The following VNN1 variants were observed in gnomAD, a reference collection of about 807,000 sequenced individuals.
VNN1 encodes the protein pantetheinase.
VNN1 carries 29 observed loss-of-function variants against 41.9 expected under a neutral mutation model. The observed-to-expected ratio is 0.69, with a 90% CI of 0.52 to 0.94. The LOEUF is 0.94. Among genes scored for constraint, VNN1 ranks in the 40% least tolerant of loss-of-function variants. VNN1 has a pLI of 0.00. For synonymous variants in VNN1, 233 were observed against 224.4 expected (o/e 1.04, Z -0.34); for missense variants, 637 against 621.1 (o/e 1.03, Z -0.27).
At chr6:132,710,375 G>C (rs56823270) in intron 2 of VNN1, among the ~76,000 whole-genome samples, 2 of 151,780 alleles carry the variant, frequency 1.3e-5, no homozygotes, top group African/African-American at 2.4e-5. Flanking sequence ...TTTAATTTTA[G>C]TATTATTATT....
rs537908251 is a variant in VNN1, at chr6:132,705,314, A to C, written c.341+6395T>G. 2.6e-5 allele frequency among the ~76,000 whole-genome samples: 4 copies of C among 152,314 alleles called. No homozygotes were observed. The South Asian group carries it at 8.3e-4, about 32-fold the overall frequency. ...ACCAAATGCAACGACACATTAAAAA[A>C]TTATTCATCATGACCAAGTCGGATT... On this transcript the variant is annotated intron_variant, in intron 2 of 6. Transcript: ENST00000367928.
chr6:132,710,106 T>C (rs1778577285), intron 2 of VNN1, among the ~76,000 whole-genome samples: 1 of 152,148 alleles, frequency 6.6e-6, no homozygotes, highest in Admixed American at 6.5e-5. Flanking sequence ...TGGAGTGCAG[T>C]GTCACTCTCT....
At chr6:132,689,335 T>C (rs61595720) in intron 5 of VNN1, among the ~76,000 whole-genome samples, 4,221 of 152,162 alleles carry the variant, frequency 0.028, 192 homozygotes, top group African/African-American at 0.097. Context: ...TGTTAAACCA[T>C]TGTCTTGCTT....
Position 132,683,093 on chromosome 6 carries a change from A to G in VNN1, c.*47T>C. 3 of 1,533,554 alleles carry G rather than the reference A, an allele frequency of 2.0e-6. No individual in the cohort carries two copies. Among genetic ancestry groups the G allele is most frequent in the Non-Finnish European group, 2.6e-6 (3 of 1,134,258 alleles). The allele number at this position is 1,533,554 out of a possible 1,614,324, so 95.0% of individuals were successfully genotyped here. On this transcript the variant is annotated 3_prime_UTR_variant, in exon 7 of 7. Transcript: ENST00000367928. Reference sequence around the variant, plus strand: ...CGGACCAATCTTTCTTTTCTCATCCATCATTTTTTAAATTATCCCAAATAA... The same window carrying G: ...CGGACCAATCTTTCTTTTCTCATCCGTCATTTTTTAAATTATCCCAAATAA...
chr6:132,684,291 T>C (rs776073951), intron 6 of VNN1, 44 bp downstream of exon 6: 2 of 1,565,646 alleles, frequency 1.3e-6, no homozygotes, highest in Non-Finnish European at 1.7e-6. Context: ...CAAAAAGTGC[T>C]TCCTCTTACA....
At position 132,709,105 on chromosome 6, in the gene VNN1, C is replaced by A. The variant is rs374255388; in HGVS notation, c.341+2604G>T. 1.1e-4 allele frequency among the ~76,000 whole-genome samples: 17 copies of A among 152,126 alleles called. No individual in the cohort carries two copies. The East Asian group carries it at 2.7e-3, about 24-fold the overall frequency. ...ACGCTTGCCACCCTATTCACCTTCC[C>A]CACTTTATTTTTTCCATAACATTTA... On this transcript the variant is annotated intron_variant, in intron 2 of 6. Coordinates refer to ENST00000367928, the MANE Select transcript of VNN1 (RefSeq NM_004666.3).
intron 5 of VNN1, among the ~76,000 whole-genome samples, chr6:132,686,710 A>G (rs572065624): frequency 6.6e-6 from 1 of 152,332 alleles, no homozygotes; most frequent in Non-Finnish European, 1.5e-5. Context: ...GGTAATCCCC[A>G]AGAGTTACCA....
intron 2 of VNN1, among the ~76,000 whole-genome samples, chr6:132,694,460 C>T (rs573073637): frequency 5.9e-5 from 9 of 152,216 alleles, no homozygotes; most frequent in East Asian, 1.9e-4. Flanking sequence ...TTTTCACTTA[C>T]GTGTTTGTCT....
chr6:132,682,957 TA>T lies in VNN1; in HGVS notation c.*182del. The T allele has an allele frequency of 4.6e-6, 2 of 434,752 alleles. No individual in the cohort carries two copies. Among genetic ancestry groups the T allele is most frequent in the Non-Finnish European group, 7.6e-6 (2 of 263,978 alleles). The allele number at this position is 434,752 out of a possible 1,614,324, so 26.9% of individuals were successfully genotyped here. On this transcript the variant is annotated 3_prime_UTR_variant, in exon 7 of 7. Transcript: ENST00000367928. ...CAATGTTCAAATATAGTTTTTTAAATAAAATCTACATTAACAGATAATTTAT... is the reference window on the plus strand; with the variant it reads ...CAATGTTCAAATATAGTTTTTTAAATAAATCTACATTAACAGATAATTTAT...
In VNN1 at chr6:132,711,739, A is replaced by G. The variant is rs1778602888; in HGVS notation, c.311T>C (p.Val104Ala). The G allele has an allele frequency of 6.2e-7, 1 of 1,613,556 alleles. No homozygotes were observed. The highest frequency in any genetic ancestry group is 1.7e-5 in the Admixed American group (1 of 59,928). The part of the protein sequence containing the change: ...PYLEDIPDPE[V>A]NWIPCNNRNR... Reference sequence around the variant, plus strand: ...ACGATTATTACAGGGGATCCAGTTTACTTCAGGGTCTGGGATGTCCTCCAA... The same window carrying G: ...ACGATTATTACAGGGGATCCAGTTTGCTTCAGGGTCTGGGATGTCCTCCAA... Residue 104 changes from valine (V) to alanine (A), a missense_variant, in exon 2 of 7, where the codon GTA becomes GCA. Physicochemically the swap from Val to Ala is moderately conservative, Grantham distance 64. Coordinates refer to ENST00000367928, the MANE Select transcript of VNN1 (RefSeq NM_004666.3).
chr6:132,704,306 T>G (rs906401691), intron 2 of VNN1, among the ~76,000 whole-genome samples: 2 of 152,154 alleles, frequency 1.3e-5, no homozygotes, highest in African/African-American at 4.8e-5. Context: ...GACCATATGT[T>G]AGGTCACAAA....
At chr6:132,698,506 G>A (rs989151048) in intron 2 of VNN1, among the ~76,000 whole-genome samples, 2 of 152,212 alleles carry the variant, frequency 1.3e-5, no homozygotes, top group African/African-American at 2.4e-5. Flanking sequence ...TAGGCTTACT[G>A]AAGAAACAAT....
At chr6:132,685,672 G>A (rs551133448) in intron 5 of VNN1, among the ~76,000 whole-genome samples, 3 of 152,304 alleles carry the variant, frequency 2.0e-5, no homozygotes, top group African/African-American at 7.2e-5. Context: ...ACACTGCAAA[G>A]CACTCAAATT....
At chr6:132,691,375 G>A (rs922566941) in intron 5 of VNN1, among the ~76,000 whole-genome samples, 6 of 152,012 alleles carry the variant, frequency 3.9e-5, no homozygotes, top group Non-Finnish European at 7.4e-5. Context: ...GAGAAGAGAA[G>A]AATGAGAGGA....
At position 132,693,989 on chromosome 6, in the gene VNN1, C is replaced by T. The variant is rs759021393; in HGVS notation, c.534+1G>A. 6.2e-7 allele frequency: 1 copy of T among 1,614,032 alleles called. No homozygotes were observed. Among genetic ancestry groups the T allele is most frequent in the Non-Finnish European group, 8.5e-7 (1 of 1,179,964 alleles). On this transcript the variant is annotated splice_donor_variant, in intron 3 of 6. Transcript: ENST00000367928. LOFTEE classifies it high-confidence loss of function. The stretch of plus-strand genomic sequence containing the variant: ...TTGGATTATTTGCAAATTAATTTTA[C>T]CTTATGGTAGCGTGCCACCAGTTTT...
chr6:132,703,765 T>A (rs1778480365), intron 2 of VNN1, among the ~76,000 whole-genome samples: 1 of 151,788 alleles, frequency 6.6e-6, no homozygotes, highest in Non-Finnish European at 1.5e-5. Flanking sequence ...AGTGGCTAAA[T>A]GGATAAAAAA....
At chr6:132,685,890 T>C (rs958647106) in intron 5 of VNN1, among the ~76,000 whole-genome samples, 4 of 152,132 alleles carry the variant, frequency 2.6e-5, no homozygotes, top group African/African-American at 7.2e-5. Flanking sequence ...TTAAGAGACA[T>C]AGTTGAAGGG....
At chr6:132,702,782 C>T (rs935853758) in intron 2 of VNN1, among the ~76,000 whole-genome samples, 1 of 152,206 alleles carries the variant, frequency 6.6e-6, no homozygotes, top group African/African-American at 2.4e-5. Flanking sequence ...AAGGGAACTT[C>T]TTGCCTTAAA....
In VNN1 at chr6:132,692,514, G is replaced by A; in HGVS notation, c.897C>T (p.Leu299=). 3 of 1,612,290 alleles carry A rather than the reference G, an allele frequency of 1.9e-6. No homozygotes were observed. The highest frequency in any genetic ancestry group is 2.5e-6 in the Non-Finnish European group (3 of 1,179,968). The change falls in exon 5 of 7, where the codon CTC becomes CTT. Residue 299 remains leucine, a synonymous_variant. Coordinates refer to ENST00000367928, the MANE Select transcript of VNN1 (RefSeq NM_004666.3). ...HYDMKTEEGK[L]LLSQLDSHPS... is the part of the protein sequence containing the mutation. ...GGTGGGAATCCAGTTGCGAGAGGAG[G>A]AGTTTTCCCTCTTCTGTCTTCATAT...
Sources: gnomAD v4.1 joint callset for allele counts (sites outside exome capture counted in the v4.1 genomes callset) on GRCh38, gnomAD v4.1.1 for gene constraint, MANE v1.5 for transcripts, NCBI Gene and HGNC (gene_info 2026-07-23, HGNC 2026-07-21) for gene names.